The following ASIC2 variants were observed in gnomAD, a reference collection of about 807,000 sequenced individuals.
ASIC2 encodes the protein acid-sensing ion channel 2.
Under a neutral mutation model 57.3 loss-of-function variants are expected in ASIC2, and 25 were observed. That is an observed-to-expected ratio of 0.44 (90% CI 0.32 to 0.61). The LOEUF (loss-of-function observed/expected upper bound fraction) is 0.61. ASIC2 is among the 20% of genes least tolerant of loss of function. The probability of loss-of-function intolerance (pLI) is 0.06; values close to 1 mark genes in which losing one functional copy is unlikely to be tolerated. For synonymous variants in ASIC2, 319 were observed against 307.5 expected, an observed-to-expected ratio of 1.04 and a Z score of -0.39; for missense variants, 641 against 738.1, an observed-to-expected ratio of 0.87 and a Z score of 1.52.
intron 1 of ASIC2, among the ~76,000 whole-genome samples, chr17:34,056,971 G>A (rs561384826): frequency 6.6e-6 from 1 of 152,202 alleles, no homozygotes; most frequent in Non-Finnish European, 1.5e-5. Flanking sequence ...TCAAAGAGTG[G>A]ATTAGACAGA....
At chr17:33,080,832 A>G (rs902232964) in intron 3 of ASIC2, among the ~76,000 whole-genome samples, 4 of 152,164 alleles carry the variant, frequency 2.6e-5, no homozygotes, top group African/African-American at 9.7e-5. Context: ...GGGCTGATTC[A>G]CGTCCTGGGT....
rs551319788 is a variant in ASIC2, at chr17:33,028,215, C to G, written c.1138+27G>C. On this transcript the variant is annotated intron_variant, in intron 4 of 9. Transcript: ENST00000225823. ...TGGGTCCCAGGCAGATCCCAGGGCC[C>G]TGTGGCCACCCTGCCCTGGCACTGA... 1.6e-5 allele frequency: 25 copies of G among 1,612,462 alleles called. No homozygotes were observed. The Admixed American group carries it at 3.0e-4, about 19-fold the overall frequency.
At chr17:33,461,766 C>A (rs1227462059) in intron 1 of ASIC2, among the ~76,000 whole-genome samples, 1 of 152,152 alleles carries the variant, frequency 6.6e-6, no homozygotes, top group Non-Finnish European at 1.5e-5. Context: ...CCACATCAAG[C>A]AGTCATTGGC....
intron 1 of ASIC2, among the ~76,000 whole-genome samples, chr17:34,099,680 G>GA (rs113440659): frequency 0.023 from 3,243 of 139,824 alleles, 216 homozygotes; most frequent in African/African-American, 0.086. Context: ...AAGAAAGAAA[G>GA]AAAAGAAAGA....
chr17:33,806,961 G>T (rs1912284786), intron 1 of ASIC2, among the ~76,000 whole-genome samples: 1 of 152,198 alleles, frequency 6.6e-6, no homozygotes, highest in African/African-American at 2.4e-5. Flanking sequence ...GAACTGATTT[G>T]ATTTACTGAC....
chr17:33,938,138 T>A (rs369730280), intron 1 of ASIC2, among the ~76,000 whole-genome samples: 1 of 152,188 alleles, frequency 6.6e-6, no homozygotes, highest in Non-Finnish European at 1.5e-5. Context: ...CTTCCTTTAC[T>A]GAATCTTATA....
chr17:33,332,446 C>T (rs1278724307), intron 1 of ASIC2, among the ~76,000 whole-genome samples: 6 of 152,186 alleles, frequency 3.9e-5, no homozygotes, highest in African/African-American at 7.2e-5. Context: ...CGAATCTTGG[C>T]GATCTGGTGT....
At chr17:33,616,192 C>A (rs1368179850) in intron 1 of ASIC2, among the ~76,000 whole-genome samples, 1 of 133,930 alleles carries the variant, frequency 7.5e-6, no homozygotes, top group African/African-American at 2.8e-5. Context: ...CATCTATGCC[C>A]TTTCTTCTCT....
intron 1 of ASIC2, among the ~76,000 whole-genome samples, chr17:33,937,542 C>T (rs1196547485): frequency 6.6e-6 from 1 of 152,044 alleles, no homozygotes; most frequent in Non-Finnish European, 1.5e-5. Context: ...TCATAGCATG[C>T]CTTCCTTTTT....
chr17:34,073,861 A>T (rs2142070937), intron 1 of ASIC2, among the ~76,000 whole-genome samples: 1 of 152,256 alleles, frequency 6.6e-6, no homozygotes, highest in Middle Eastern at 3.4e-3. Flanking sequence ...TGATGGAGTA[A>T]AGTGAGAGCA....
intron 1 of ASIC2, chr17:33,565,929 T>C (rs1916220457): frequency 6.6e-6 from 1 of 152,262 alleles, no homozygotes; most frequent in African/African-American, 2.4e-5. Flanking sequence ...ATGGTGAGTG[T>C]TGACTGTCAC....
intron 1 of ASIC2, among the ~76,000 whole-genome samples, chr17:33,564,121 G>A (rs948831894): frequency 6.6e-6 from 1 of 152,112 alleles, no homozygotes; most frequent in Non-Finnish European, 1.5e-5. Context: ...TGCCCTGCAC[G>A]GTCTTGCATG....
chr17:33,065,165 A>T (rs551816792), intron 3 of ASIC2, among the ~76,000 whole-genome samples: 1 of 152,130 alleles, frequency 6.6e-6, no homozygotes, highest in African/African-American at 2.4e-5. Flanking sequence ...CTCTGTATTT[A>T]TTGAAAATGA....
chr17:33,705,525 A>G (rs1280440912), intron 1 of ASIC2, among the ~76,000 whole-genome samples: 1 of 152,236 alleles, frequency 6.6e-6, no homozygotes, highest in African/African-American at 2.4e-5. Context: ...ACATATCATT[A>G]TAAGAGGAAG....
intron 1 of ASIC2, among the ~76,000 whole-genome samples, chr17:34,013,527 G>A (rs1906845259): frequency 6.6e-6 from 1 of 152,226 alleles, no homozygotes; most frequent in Non-Finnish European, 1.5e-5. Flanking sequence ...AGAAGATGCA[G>A]AATAAGGAGT....
chr17:33,232,490 G>GTATGA lies in ASIC2; in HGVS notation c.708+58917_708+58918insTCATA, dbSNP rs1388639898. ...GTATGGTATGGTATGGTATGGTATG[G>GTATGA]TATGGTACGGTATGGTATGGTATGG... On this transcript the variant is annotated intron_variant, in intron 1 of 9. Transcript: ENST00000225823. Among the ~76,000 whole-genome samples, 84 of 150,100 alleles carry GTATGA rather than the reference G, an allele frequency of 5.6e-4. 1 individual carries two copies. The highest frequency in any genetic ancestry group is 1.8e-3 in the African/African-American group (74 of 40,294).
At chr17:33,992,528 T>C (rs915999576) in intron 1 of ASIC2, among the ~76,000 whole-genome samples, 6 of 152,208 alleles carry the variant, frequency 3.9e-5, no homozygotes, top group Non-Finnish European at 8.8e-5. Context: ...AAAGAGTCTC[T>C]GCTTACCTTA....
chr17:34,062,161 T>C (rs1303765830), intron 1 of ASIC2, among the ~76,000 whole-genome samples: 1 of 152,146 alleles, frequency 6.6e-6, no homozygotes, highest in African/African-American at 2.4e-5. Context: ...AAATTGAAAT[T>C]ATATCAAGCA....
chr17:33,092,151 T>G (rs2092160246), intron 2 of ASIC2, among the ~76,000 whole-genome samples: 1 of 152,220 alleles, frequency 6.6e-6, no homozygotes, highest in African/African-American at 2.4e-5. Context: ...CAGATCAGTG[T>G]GTCTTCATGG....
Sources: allele counts gnomAD v4.1 joint callset (sites outside exome capture counted in the v4.1 genomes callset), GRCh38; gene constraint gnomAD v4.1.1; transcripts MANE v1.5; gene names NCBI Gene and HGNC (gene_info 2026-07-23, HGNC 2026-07-21).